Variants in TSPAN33 observed in about 807,000 individuals in gnomAD.
TSPAN33 encodes the protein tetraspanin 33.
In TSPAN33, 27 loss-of-function variants were observed where a neutral mutation model predicts 34.8. The observed-to-expected ratio is 0.78, with a 90% CI of 0.57 to 1.07. TSPAN33 has a LOEUF of 1.07. TSPAN33 is among the 50% of genes least tolerant of loss of function. The pLI is 0.00. For missense variants in TSPAN33, 272 were observed against 324.9 expected (o/e 0.84, Z 1.25); for synonymous variants, 119 against 124.2 (o/e 0.96, Z 0.28).
At chr7:129,164,030 G>C (rs971979068) in intron 4 of TSPAN33, among the ~76,000 whole-genome samples, 11 of 152,016 alleles carry the variant, frequency 7.2e-5, no homozygotes, top group African/African-American at 2.7e-4. Context: ...TAGTCCTCCT[G>C]GCTTACAGTA....
At chr7:129,155,647 A>G (rs1810655177) in intron 1 of TSPAN33, among the ~76,000 whole-genome samples, 1 of 62,632 alleles carries the variant, frequency 1.6e-5, no homozygotes, top group East Asian at 4.7e-4. Context: ...TATGGTCTAC[A>G]CTTTATTGGT....
At chr7:129,164,066 GCT>G (rs1248147805) in intron 4 of TSPAN33, among the ~76,000 whole-genome samples, 5 of 152,118 alleles carry the variant, frequency 3.3e-5, no homozygotes, top group African/African-American at 7.2e-5. Context: ...GTATTAAATA[GCT>G]CTGTTTTGAG....
At chr7:129,156,870 A>G (rs1031798964) in intron 1 of TSPAN33, among the ~76,000 whole-genome samples, 1 of 152,192 alleles carries the variant, frequency 6.6e-6, no homozygotes, top group African/African-American at 2.4e-5. Context: ...TTCACCTTTC[A>G]TAGGGATAAT....
intron 1 of TSPAN33, among the ~76,000 whole-genome samples, chr7:129,145,360 C>A (rs1413115441): frequency 6.6e-6 from 1 of 151,882 alleles, no homozygotes; most frequent in African/African-American, 2.4e-5. Flanking sequence ...TTTGAGGGAG[C>A]CTGTTGGCCC....
intron 1 of TSPAN33, 145 bp downstream of exon 1, chr7:129,145,227 A>C: frequency 2.3e-6 from 1 of 441,822 alleles, no homozygotes; most frequent in Non-Finnish European, 4.1e-6. Context: ...GGGGAGGGAC[A>C]CCCCGGGGAC....
At position 129,162,405 on chromosome 7, in the gene TSPAN33, G is replaced by T; in HGVS notation, c.172G>T (p.Ala58Ser). Residue 58 changes from alanine (A) to serine (S), a missense_variant, in exon 3 of 8, where the codon GCC becomes TCC. Physicochemically the swap from Ala to Ser is moderately conservative, Grantham distance 99 (BLOSUM62 1). Coordinates refer to ENST00000486685, the MANE Select transcript of TSPAN33 (RefSeq NM_178562.5). ...GGCTCCTTTTCCAGAAGCAGCCCTA[G>T]CCTGCCTGGCAGTGGACCCTGCCAT... ...RLMKHAEAAL[A>S]CLAVDPAILL... The T allele has an allele frequency of 6.2e-7, 1 of 1,613,260 alleles. No individual in the cohort carries two copies.
chr7:129,164,345 T>A, intron 4 of TSPAN33, 129 bp from the exon 5 acceptor site: 1 of 801,756 alleles, frequency 1.2e-6, no homozygotes, highest in Non-Finnish European at 2.1e-6. Context: ...CTTCCACCAT[T>A]AGGACTCGGT....
rs1350012663 is a variant in TSPAN33 at position 129,165,265 on chromosome 7, C to G, written c.459+696C>G. On this transcript the variant is annotated intron_variant, in intron 5 of 7. Coordinates refer to ENST00000486685, the MANE Select transcript of TSPAN33 (RefSeq NM_178562.5). This position sits in a 1 kb window ranked among gnomAD's most constrained non-coding sequence, Gnocchi z 4.5. Reference sequence around the variant, plus strand: ...CTTGAAACTTTGTATCCATTAAACACTAACTCCCCATTTTCCTCTCCTGAA... The same window carrying G: ...CTTGAAACTTTGTATCCATTAAACAGTAACTCCCCATTTTCCTCTCCTGAA... Among the ~76,000 whole-genome samples the G allele has an allele frequency of 6.6e-6, 1 of 152,226 alleles. No homozygotes were observed. The highest frequency in any genetic ancestry group is 2.4e-5 in the African/African-American group (1 of 41,446).
At chr7:129,151,548 A>G (rs1810593588) in intron 1 of TSPAN33, among the ~76,000 whole-genome samples, 1 of 151,956 alleles carries the variant, frequency 6.6e-6, no homozygotes, top group Non-Finnish European at 1.5e-5. Flanking sequence ...AGGCCCTGCA[A>G]CCTTTCCTCT....
intron 5 of TSPAN33, 31 bp from the exon 6 acceptor site, chr7:129,166,747 G>A: frequency 1.2e-6 from 2 of 1,612,008 alleles, no homozygotes; most frequent in African/African-American, 1.3e-5. Flanking sequence ...AGGGGTGGGT[G>A]ATTCTTAACC....
At chr7:129,164,388 T>C (rs892365612) in intron 4 of TSPAN33, 86 bp from the exon 5 acceptor site, 4 of 1,179,156 alleles carry the variant, frequency 3.4e-6, no homozygotes, top group African/African-American at 3.0e-5. Flanking sequence ...TTAAGAAGGA[T>C]GATCCCTGTC....
rs559914207 is a variant in TSPAN33 at position 129,145,071 on chromosome 7, A to G, written c.91A>G (p.Met31Val). Residue 31 changes from methionine to valine, a missense_variant, in exon 1 of 8, where the codon ATG becomes GTG. By Grantham distance (21) the Met-to-Val change is conservative. Transcript: ENST00000486685. ...GAAATACCTGCTCTTCTTCTTCAAC[A>G]TGCTCTTCTGGGTGAGTCTCGGGGT... ...LVKYLLFFFN[M>V]LFWVISMVMV... 5.5e-6 allele frequency: 4 copies of G among 723,526 alleles called. No individual in the cohort carries two copies. The East Asian group carries it at 8.7e-5, about 16-fold the overall frequency. The allele number at this position is 723,526 out of a possible 1,614,324, so 44.8% of individuals were successfully genotyped here. A position where few individuals can be genotyped will look rare whatever the true frequency, so the allele number is the denominator to read the frequency against.
At position 129,167,929 on chromosome 7, in the gene TSPAN33, G is replaced by T; in HGVS notation, c.*55G>T. The T allele has an allele frequency of 1.3e-6, 2 of 1,593,540 alleles. No individual in the cohort carries two copies. On this transcript the variant is annotated 3_prime_UTR_variant, in exon 8 of 8. Coordinates refer to ENST00000486685, the MANE Select transcript of TSPAN33 (RefSeq NM_178562.5). This position sits in a 1 kb window ranked among gnomAD's most constrained non-coding sequence, Gnocchi z 4.6. ...AACTGGCAAGCCTCATAAACGAACA[G>T]CAGTGGGTGCTGAAAGCAGCACCAA...
chr7:129,146,389 A>G (rs529236978), intron 1 of TSPAN33, among the ~76,000 whole-genome samples: 7 of 152,314 alleles, frequency 4.6e-5, no homozygotes, highest in African/African-American at 1.7e-4. Flanking sequence ...CTGGAAAAAA[A>G]TTTTAGAAGA....
In TSPAN33 at chr7:129,161,659, C is replaced by T; in HGVS notation, c.103-20C>T. The T allele has an allele frequency of 6.2e-7, 1 of 1,613,776 alleles. No homozygotes were observed. Among genetic ancestry groups the T allele is most frequent in the Non-Finnish European group, 8.5e-7 (1 of 1,179,710 alleles). On this transcript the variant is annotated intron_variant, in intron 1 of 7. Coordinates refer to ENST00000486685, the MANE Select transcript of TSPAN33 (RefSeq NM_178562.5). The stretch of plus-strand genomic sequence containing the variant: ...TGGTTTCCAGAATCTCAGGGTCTGG[C>T]TCTTTTCCTGTCTCCACAGGTGATT...
Position 129,144,716 on chromosome 7 carries a change from T to TTTCCTGGGCGCCG in TSPAN33, c.-265_-264insTTCCTGGGCGCCG. On this transcript the variant is annotated 5_prime_UTR_variant, in exon 1 of 8. Coordinates refer to ENST00000486685, the MANE Select transcript of TSPAN33 (RefSeq NM_178562.5). ...GGGCGGGCCGGGTTTCCTGGGCGCCTGGCTGGCCGGGCTGGTCCTGCGGCC... is the reference window on the plus strand; with the variant it reads ...GGGCGGGCCGGGTTTCCTGGGCGCCTTTCCTGGGCGCCGGGCTGGCCGGGCTGGTCCTGCGGCC... 1.3e-5 allele frequency among the ~76,000 whole-genome samples: 1 copy of TTTCCTGGGCGCCG among 79,692 alleles called. No homozygotes were observed. Among genetic ancestry groups the TTTCCTGGGCGCCG allele is most frequent in the South Asian group, 4.6e-4 (1 of 2,196 alleles). 52.3% of individuals were successfully genotyped at this position (79,692 alleles called of 152,430 possible). A position where few individuals can be genotyped will look rare whatever the true frequency, so the allele number is the denominator to read the frequency against.
rs555084486 is a variant in TSPAN33 at position 129,147,124 on chromosome 7, A to G, written c.102+2042A>G. On this transcript the variant is annotated intron_variant, in intron 1 of 7. Transcript: ENST00000486685. ...CAAGCTAGCACCACCCCAAATTAGA[A>G]TAGAGCCCCTTCTTGGCCCTACAGT... Among the ~76,000 whole-genome samples, 9 of 152,250 alleles carry G rather than the reference A, an allele frequency of 5.9e-5. No homozygotes were observed. The East Asian group carries it at 1.4e-3, about 23-fold the overall frequency.
At chr7:129,158,348 C>T (rs1183477660) in intron 1 of TSPAN33, among the ~76,000 whole-genome samples, 4 of 152,218 alleles carry the variant, frequency 2.6e-5, no homozygotes, top group African/African-American at 4.8e-5. Flanking sequence ...CAACTGCTGT[C>T]ATTACAGGCC....
Position 129,167,935 on chromosome 7 carries a change from G to A in TSPAN33, c.*61G>A, listed in dbSNP as rs1277914412. On this transcript the variant is annotated 3_prime_UTR_variant, in exon 8 of 8. Transcript: ENST00000486685. This position sits in a 1 kb window ranked among gnomAD's most constrained non-coding sequence, Gnocchi z 4.6. ...CAAGCCTCATAAACGAACAGCAGTG[G>A]GTGCTGAAAGCAGCACCAAATGGAG... 1.9e-6 allele frequency: 3 copies of A among 1,584,698 alleles called. No homozygotes were observed. Among genetic ancestry groups the A allele is most frequent in the Non-Finnish European group, 2.6e-6 (3 of 1,166,572 alleles).
Sources: gnomAD v4.1 joint callset for allele counts (sites outside exome capture counted in the v4.1 genomes callset) on GRCh38, gnomAD v4.1.1 for gene constraint, Gnocchi (gnomAD v3.1) non-coding constraint, MANE v1.5 for transcripts, NCBI Gene and HGNC (gene_info 2026-07-23, HGNC 2026-07-21) for gene names.